The following GABRB3 variants were observed in gnomAD, a reference collection of about 807,000 sequenced individuals.
The protein encoded by GABRB3 is gamma-aminobutyric acid receptor subunit beta-3.
In GABRB3, 14 loss-of-function variants were observed where a neutral mutation model predicts 52.1. The ratio of observed to expected loss-of-function variants is 0.27; its 90% CI spans 0.18 to 0.42. GABRB3 has a LOEUF of 0.42. Among genes scored for constraint, GABRB3 ranks in the 10% least tolerant of loss-of-function variants. The probability of loss-of-function intolerance (pLI) is 1.00; values close to 1 mark genes in which losing one functional copy is unlikely to be tolerated. For synonymous variants in GABRB3, 260 were observed against 232.3 expected (o/e 1.12, Z -1.08); for missense variants, 307 against 609.1 (o/e 0.50, Z 5.22).
intron 3 of GABRB3, among the ~76,000 whole-genome samples, chr15:26,711,223 G>A (rs1432345822): frequency 6.6e-6 from 1 of 152,264 alleles, no homozygotes; most frequent in South Asian, 2.1e-4. Context: ...AGATGTTTTT[G>A]AGGACATTGT....
chr15:26,668,555 G>A (rs1424251302), intron 3 of GABRB3, among the ~76,000 whole-genome samples: 3 of 151,882 alleles, frequency 2.0e-5, no homozygotes, highest in African/African-American at 7.3e-5. Context: ...CTGTCAATTG[G>A]CCTGTCAGCT....
intron 4 of GABRB3, among the ~76,000 whole-genome samples, chr15:26,600,273 C>T (rs74004605): frequency 0.17 from 25,487 of 151,192 alleles, 2,178 homozygotes; most frequent in African/African-American, 0.22. Context: ...TAAACAGTCA[C>T]ATAATAGGAT....
At chr15:26,713,674 C>T (rs1889374908) in intron 3 of GABRB3, among the ~76,000 whole-genome samples, 4 of 152,232 alleles carry the variant, frequency 2.6e-5, no homozygotes, top group South Asian at 2.1e-4. Flanking sequence ...AACTGGTGGC[C>T]GCAACACGCT....
intron 3 of GABRB3, among the ~76,000 whole-genome samples, chr15:26,645,702 G>A (rs1313770181): frequency 1.3e-5 from 2 of 152,140 alleles, no homozygotes; most frequent in Admixed American, 6.5e-5. Context: ...AAAGGACTCC[G>A]AATTCATGCT....
chr15:26,702,755 A>G (rs1331961051), intron 3 of GABRB3, among the ~76,000 whole-genome samples: 2 of 152,240 alleles, frequency 1.3e-5, no homozygotes, highest in African/African-American at 4.8e-5. Flanking sequence ...AGACTTGTAC[A>G]TGAATGTTCA....
At chr15:26,733,049 C>T (rs1330607927) in intron 3 of GABRB3, among the ~76,000 whole-genome samples, 1 of 151,740 alleles carries the variant, frequency 6.6e-6, no homozygotes, top group East Asian at 1.9e-4. Context: ...GAACATCACA[C>T]TCAATGCTGA....
intron 3 of GABRB3, among the ~76,000 whole-genome samples, chr15:26,769,749 C>T (rs1389775083): frequency 2.0e-5 from 3 of 152,170 alleles, no homozygotes; most frequent in Non-Finnish European, 4.4e-5. Flanking sequence ...TCCCAGCCAG[C>T]TTCTCTCGTC....
At chr15:26,591,700 A>C (rs529062874) in intron 4 of GABRB3, among the ~76,000 whole-genome samples, 3 of 152,280 alleles carry the variant, frequency 2.0e-5, no homozygotes, top group Admixed American at 1.3e-4. Context: ...AAGAATCACT[A>C]AAGTACTTTG....
chr15:26,763,453 C>T (rs749671845), intron 3 of GABRB3, among the ~76,000 whole-genome samples: 1 of 152,156 alleles, frequency 6.6e-6, no homozygotes, highest in Non-Finnish European at 1.5e-5. Flanking sequence ...AAGAACTGTG[C>T]TCTGTGGCCA....
At position 26,634,989 on chromosome 15, in the gene GABRB3, T is replaced by A. The variant is rs1406924352; in HGVS notation, c.241-13455A>T. On this transcript the variant is annotated intron_variant, in intron 3 of 8. Transcript: ENST00000311550. ...TAAGAGATATATGTATCTCTAAATA[T>A]ATATATATATATATATATATAATAT... is the stretch of plus-strand genomic sequence containing the variant. 5.8e-3 allele frequency among the ~76,000 whole-genome samples: 28 copies of A among 4,854 alleles called. No individual in the cohort carries two copies. The East Asian group carries it at 0.25, about 43-fold the overall frequency. 3.2% of individuals were successfully genotyped at this position (4,854 alleles called of 152,430 possible). A position where few individuals can be genotyped will look rare whatever the true frequency, so the allele number is the denominator to read the frequency against.
At chr15:26,716,149 T>C (rs907355949) in intron 3 of GABRB3, among the ~76,000 whole-genome samples, 1 of 152,168 alleles carries the variant, frequency 6.6e-6, no homozygotes, top group Non-Finnish European at 1.5e-5. Flanking sequence ...AAATGTAAGA[T>C]TGTATTGATT....
At chr15:26,740,227 C>T (rs188327652) in intron 3 of GABRB3, among the ~76,000 whole-genome samples, 302 of 152,124 alleles carry the variant, frequency 2.0e-3, no homozygotes, top group East Asian at 9.7e-4. Context: ...TCTGTAGGAA[C>T]GGGAAGCCCA....
chr15:26,773,667 TC>T (rs1306826488), upstream of GABRB3: 3 of 1,571,396 alleles, frequency 1.9e-6, no homozygotes, highest in Admixed American at 1.9e-5. Flanking sequence ...GAGCCTCGGG[TC>T]CCCAGGGTCC....
At chr15:26,760,577 T>G (rs950257522) in intron 3 of GABRB3, among the ~76,000 whole-genome samples, 9 of 152,200 alleles carry the variant, frequency 5.9e-5, no homozygotes, top group African/African-American at 2.2e-4. Context: ...TGGAGAACCA[T>G]GTTTTATTTA....
At chr15:26,606,849 T>C (rs1201214666) in intron 4 of GABRB3, among the ~76,000 whole-genome samples, 1 of 95,908 alleles carries the variant, frequency 1.0e-5, no homozygotes, top group East Asian at 2.5e-4. Flanking sequence ...TAGATATGGT[T>C]AAAGCAAACT....
At chr15:26,716,819 C>T (rs1889486732) in intron 3 of GABRB3, 1 of 1,158,390 alleles carries the variant, frequency 8.6e-7, no homozygotes, top group Non-Finnish European at 1.1e-6. Context: ...CCAACCACAG[C>T]CCAGCTCTGA....
At chr15:26,607,009 T>C (rs193214842) in intron 4 of GABRB3, among the ~76,000 whole-genome samples, 65 of 152,262 alleles carry the variant, frequency 4.3e-4, no homozygotes, top group African/African-American at 1.4e-3. Flanking sequence ...CCCACGGCCA[T>C]ACTTCAACCA....
chr15:26,706,992 G>A (rs1195628667), intron 3 of GABRB3, among the ~76,000 whole-genome samples: 1 of 152,198 alleles, frequency 6.6e-6, no homozygotes, highest in Non-Finnish European at 1.5e-5. Flanking sequence ...AAGGTGCTAG[G>A]TGTCGGAGTG....
chr15:26,734,628 G>A (rs1006487769), intron 3 of GABRB3, among the ~76,000 whole-genome samples: 10 of 133,676 alleles, frequency 7.5e-5, no homozygotes, highest in Non-Finnish European at 1.6e-4. Context: ...CTGGGCAACA[G>A]GGTGAGTCTC....
Sources: allele counts gnomAD v4.1 joint callset (sites outside exome capture counted in the v4.1 genomes callset), GRCh38; gene constraint gnomAD v4.1.1; transcripts MANE v1.5; gene names NCBI Gene and HGNC (gene_info 2026-07-23, HGNC 2026-07-21).